The following CLYBL variants were observed in gnomAD, a reference collection of about 807,000 sequenced individuals.
CLYBL encodes the protein citramalyl-CoA lyase.
CLYBL carries 31 observed loss-of-function variants against 38.9 expected under a neutral mutation model. The observed-to-expected ratio is 0.80, with a 90% CI of 0.60 to 1.08. CLYBL has a LOEUF of 1.08. Among genes scored for constraint, CLYBL ranks in the 50% least tolerant of loss-of-function variants. CLYBL has a pLI of 0.00. For synonymous variants in CLYBL, 171 were observed against 158.6 expected, an observed-to-expected ratio of 1.08 and a Z score of -0.59; for missense variants, 434 against 411.6, an observed-to-expected ratio of 1.05 and a Z score of -0.47.
intron 1 of CLYBL, among the ~76,000 whole-genome samples, chr13:99,770,448 G>T (rs1460819301): frequency 2.0e-5 from 3 of 152,146 alleles, no homozygotes; most frequent in Non-Finnish European, 4.4e-5. Flanking sequence ...CTCCCGAGCA[G>T]CTGGGACTAC....
chr13:99,900,094 T>G (rs563507523), downstream of CLYBL, among the ~76,000 whole-genome samples: 10 of 152,162 alleles, frequency 6.6e-5, no homozygotes, highest in South Asian at 2.1e-3. Flanking sequence ...AACCTGCTAA[T>G]TTTTGTATTT....
At chr13:99,681,361 A>T (rs768268817) in intron 1 of CLYBL, among the ~76,000 whole-genome samples, 1 of 152,168 alleles carries the variant, frequency 6.6e-6, no homozygotes, top group Non-Finnish European at 1.5e-5. Context: ...TAACTTACAG[A>T]TGGTTCACGG....
chr13:99,850,575 G>C (rs2051307811), intron 2 of CLYBL, among the ~76,000 whole-genome samples: 1 of 152,212 alleles, frequency 6.6e-6, no homozygotes, highest in Admixed American at 6.5e-5. Flanking sequence ...CATTGCCGAT[G>C]GGAAGGCAAA....
downstream of CLYBL, among the ~76,000 whole-genome samples, chr13:99,898,838 T>G (rs147702290): frequency 2.6e-5 from 4 of 152,238 alleles, no homozygotes; most frequent in East Asian, 7.7e-4. Context: ...ACTTTCATTA[T>G]AGTGGTTGTT....
chr13:99,701,478 A>T (rs995275878), intron 1 of CLYBL, among the ~76,000 whole-genome samples: 2 of 151,042 alleles, frequency 1.3e-5, no homozygotes, highest in African/African-American at 4.9e-5. Flanking sequence ...CGCCTGGCTA[A>T]TTTTTTTGTA....
At chr13:99,777,480 C>CCTGTT (rs2049543040) in intron 2 of CLYBL, among the ~76,000 whole-genome samples, 1 of 144,120 alleles carries the variant, frequency 6.9e-6, no homozygotes, top group African/African-American at 2.5e-5. Flanking sequence ...TTTCTTTCTT[C>CCTGTT]CTTTTCTTTT....
At chr13:99,879,958 A>ATGACAGTGGTGTGGCCACAGTAG (rs2052152978) in intron 7 of CLYBL, among the ~76,000 whole-genome samples, 1 of 151,756 alleles carries the variant, frequency 6.6e-6, no homozygotes, top group Non-Finnish European at 1.5e-5. Context: ...GGTGGCCATC[A>ATGACAGTGGTGTGGCCACAGTAG]TGACAGTGGT....
chr13:99,647,305 A>G (rs7991377), intron 1 of CLYBL, among the ~76,000 whole-genome samples: 5,932 of 152,260 alleles, frequency 0.039, 397 homozygotes, highest in African/African-American at 0.14. Context: ...GTCCAAAGCA[A>G]TGTGCCTCAA....
At position 99,872,943 on chromosome 13, in the gene CLYBL, CTT is replaced by C. The variant is rs5806140; in HGVS notation, c.927+1893_927+1894del. 5.9e-3 allele frequency among the ~76,000 whole-genome samples: 864 copies of C among 147,530 alleles called. 11 individuals are homozygous for C. Among genetic ancestry groups the C allele is most frequent in the African/African-American group, 0.02 (819 of 40,596 alleles). ...GGCAACTTAAATGTTCAATTCTGGACTTTTTTTTTTTTTAAATAAGAAATGCC... is the reference window on the plus strand; with the variant it reads ...GGCAACTTAAATGTTCAATTCTGGACTTTTTTTTTTTAAATAAGAAATGCC... On this transcript the variant is annotated intron_variant, in intron 7 of 8. Transcript: ENST00000339105.
intron 2 of CLYBL, among the ~76,000 whole-genome samples, chr13:99,806,886 G>A (rs187304921): frequency 6.6e-6 from 1 of 152,202 alleles, no homozygotes; most frequent in Non-Finnish European, 1.5e-5. Context: ...GTTCACACAT[G>A]GGTGTGATCT....
intron 2 of CLYBL, among the ~76,000 whole-genome samples, chr13:99,803,075 G>A (rs1031897483): frequency 1.8e-4 from 28 of 152,198 alleles, no homozygotes; most frequent in African/African-American, 6.7e-4. Context: ...CAAGCAAATC[G>A]GTAACTCATC....
chr13:99,870,916 G>C lies in CLYBL; in HGVS notation c.803-22G>C, dbSNP rs746464088. ...CATCTGTTCGTTGTTTCGTGGTTCC[G>C]ATGTTATTAATATTCTTGTAGGTAA... On this transcript the variant is annotated intron_variant, in intron 6 of 8. Coordinates refer to ENST00000339105, the MANE Select transcript of CLYBL (RefSeq NM_206808.5). 14 of 1,581,918 alleles carry C rather than the reference G, an allele frequency of 8.9e-6. No individual in the cohort carries two copies. In the African/African-American group the frequency reaches 1.9e-4, roughly 22 times the overall value.
intron 2 of CLYBL, among the ~76,000 whole-genome samples, chr13:99,855,155 G>A (rs1334110354): frequency 6.6e-6 from 1 of 152,068 alleles, no homozygotes; most frequent in Non-Finnish European, 1.5e-5. Flanking sequence ...TTTCCAGCTT[G>A]TCAGATCTTG....
rs762636582 is a variant in CLYBL at position 99,606,744 on chromosome 13, G to C, written c.49G>C (p.Ala17Pro). 7 of 1,484,834 alleles carry C rather than the reference G, an allele frequency of 4.7e-6. No homozygotes were observed. In the African/African-American group the frequency reaches 8.8e-5, roughly 19 times the overall value. 92.0% of individuals were successfully genotyped at this position (1,484,834 alleles called of 1,614,324 possible). ...GGCGGCGCGCGGAGCTGCGGCGGCGGCGCTGCTGAGGCTGTGAGTGCAGGT... is the reference window on the plus strand; with the variant it reads ...GGCGGCGCGCGGAGCTGCGGCGGCGCCGCTGCTGAGGCTGTGAGTGCAGGT... ...RRAARGAAAA[A>P]LLRLKASLAA... Residue 17 changes from alanine to proline, a missense_variant, in exon 1 of 9, where the codon GCG becomes CCG. Ala to Pro is a conservative substitution (Grantham distance 27). Coordinates refer to ENST00000339105, the MANE Select transcript of CLYBL (RefSeq NM_206808.5).
At chr13:99,765,175 A>G (rs2049245165) in intron 1 of CLYBL, among the ~76,000 whole-genome samples, 1 of 151,984 alleles carries the variant, frequency 6.6e-6, no homozygotes, top group South Asian at 2.1e-4. Context: ...TATTTGAAGG[A>G]TAACTTTGCT....
At chr13:99,727,090 C>G (rs1014518012) in intron 1 of CLYBL, 1 of 150,518 alleles carries the variant, frequency 6.6e-6, no homozygotes, top group African/African-American at 2.4e-5. Context: ...ACCTGGGAGG[C>G]GGAGGTTGCA....
intron 2 of CLYBL, among the ~76,000 whole-genome samples, chr13:99,834,565 G>C (rs965471764): frequency 6.6e-6 from 1 of 152,124 alleles, no homozygotes; most frequent in Admixed American, 6.5e-5. Flanking sequence ...GCAGAGCCAG[G>C]GTGATGCACC....
In CLYBL at chr13:99,671,573, A is replaced by G. The variant is rs570254235; in HGVS notation, c.62+64816A>G. On this transcript the variant is annotated intron_variant, in intron 1 of 8. Coordinates refer to ENST00000339105, the MANE Select transcript of CLYBL (RefSeq NM_206808.5). ...GGTGGGCAGATCACTTGAGGTCAGG[A>G]GTTTGAGACCGGCCTGGCCAAAATG... is the stretch of plus-strand genomic sequence containing the variant. Among the ~76,000 whole-genome samples the G allele has an allele frequency of 2.6e-3, 401 of 152,266 alleles. 2 individuals are homozygous for G. The highest frequency in any genetic ancestry group is 4.3e-3 in the Non-Finnish European group (290 of 68,014).
chr13:99,700,063 T>G (rs565895053), intron 1 of CLYBL, among the ~76,000 whole-genome samples: 2 of 152,188 alleles, frequency 1.3e-5, no homozygotes, highest in South Asian at 4.1e-4. Flanking sequence ...CTTTCCCATT[T>G]CAAATTGCAG....
Sources: gnomAD v4.1 joint callset for allele counts (sites outside exome capture counted in the v4.1 genomes callset) on GRCh38, gnomAD v4.1.1 for gene constraint, MANE v1.5 for transcripts, NCBI Gene and HGNC (gene_info 2026-07-23, HGNC 2026-07-21) for gene names.